Variants in SNTG2 observed in about 807,000 individuals in gnomAD.
The protein encoded by SNTG2 is syntrophin gamma 2.
SNTG2 carries 74 observed loss-of-function variants against 70.9 expected under a neutral mutation model. The observed-to-expected ratio is 1.04, with a 90% CI of 0.86 to 1.27. The LOEUF (loss-of-function observed/expected upper bound fraction) is 1.27. SNTG2 is among the 50% of genes most tolerant of loss of function. The probability of loss-of-function intolerance (pLI) is 0.00; values close to 1 mark genes in which losing one functional copy is unlikely to be tolerated. For synonymous variants in SNTG2, 278 were observed against 273.8 expected, an observed-to-expected ratio of 1.02 and a Z score of -0.15; for missense variants, 717 against 690.7, an observed-to-expected ratio of 1.04 and a Z score of -0.43.
chr2:1,214,572 G>T (rs1015054318), intron 9 of SNTG2, among the ~76,000 whole-genome samples: 2 of 151,988 alleles, frequency 1.3e-5, no homozygotes, highest in Non-Finnish European at 2.9e-5. Flanking sequence ...AAATACTACT[G>T]ATTTCTGAGT....
At chr2:1,347,770 A>G (rs1292503805) in intron 16 of SNTG2, among the ~76,000 whole-genome samples, 1 of 152,152 alleles carries the variant, frequency 6.6e-6, no homozygotes, top group Non-Finnish European at 1.5e-5. Flanking sequence ...GGGAGACATG[A>G]ATTTGGGGCT....
intron 6 of SNTG2, among the ~76,000 whole-genome samples, chr2:1,147,272 T>C (rs1483379380): frequency 1.3e-5 from 2 of 152,206 alleles, no homozygotes; most frequent in Admixed American, 6.5e-5. Context: ...ATGCAAATTA[T>C]TGATCCTCAG....
At chr2:1,312,135 C>T (rs1266156523) in intron 15 of SNTG2, among the ~76,000 whole-genome samples, 8 of 152,076 alleles carry the variant, frequency 5.3e-5, no homozygotes, top group Non-Finnish European at 8.8e-5. Flanking sequence ...TGTGTTTGAC[C>T]ATGAAAATAT....
intron 16 of SNTG2, among the ~76,000 whole-genome samples, chr2:1,364,882 C>T (rs138461157): frequency 1.3e-5 from 2 of 152,182 alleles, no homozygotes; most frequent in East Asian, 3.9e-4. Flanking sequence ...TGCACTCCAG[C>T]CTGGGCGACA....
At chr2:1,300,224 T>C (rs145543601) in intron 14 of SNTG2, among the ~76,000 whole-genome samples, 188 of 147,994 alleles carry the variant, frequency 1.3e-3, no homozygotes, top group African/African-American at 4.3e-3. Context: ...CTCTGAAGGG[T>C]GTGCAAGAAG....
intron 9 of SNTG2, among the ~76,000 whole-genome samples, chr2:1,212,857 CTAAGGAGGG>C (rs1475271732): frequency 6.6e-5 from 10 of 152,080 alleles, no homozygotes; most frequent in African/African-American, 1.4e-4. Context: ...GCTCCTCAGT[CTAAGGAGGG>C]TAAGGAATAA....
rs1467016842 is a variant in SNTG2 at position 1,019,879 on chromosome 2, C to CA, written c.73-63631dup. 4.0e-4 allele frequency among the ~76,000 whole-genome samples: 61 copies of CA among 151,514 alleles called. 1 individual carries two copies. In the South Asian group the frequency reaches 8.4e-3, roughly 21 times the overall value. ...CCAACATGGTGAAACCCCGTCTCTA[C>CA]AAAAAAAAGAAAAATTAGCCGGGTG... On this transcript the variant is annotated intron_variant, in intron 1 of 16. Transcript: ENST00000308624.
At chr2:1,170,810 G>A (rs913405592) in intron 7 of SNTG2, among the ~76,000 whole-genome samples, 1 of 152,078 alleles carries the variant, frequency 6.6e-6, no homozygotes, top group Non-Finnish European at 1.5e-5. Context: ...ACCACCATGA[G>A]CATCCGTGAA....
chr2:1,354,236 G>T (rs577022528), intron 16 of SNTG2, among the ~76,000 whole-genome samples: 1 of 151,020 alleles, frequency 6.6e-6, no homozygotes, highest in Non-Finnish European at 1.5e-5. Context: ...GAAGAACGCC[G>T]GGCTGGAGCT....
intron 1 of SNTG2, among the ~76,000 whole-genome samples, chr2:973,724 G>A (rs1166201735): frequency 1.3e-5 from 2 of 151,500 alleles, no homozygotes; most frequent in East Asian, 1.9e-4. Context: ...TTTCATTTTT[G>A]TTGTGTTTCA....
intron 14 of SNTG2, among the ~76,000 whole-genome samples, chr2:1,307,950 C>A (rs967941601): frequency 6.6e-5 from 10 of 152,306 alleles, no homozygotes; most frequent in African/African-American, 2.4e-4. Context: ...CAGACCTTCT[C>A]GCACCGTGTG....
chr2:1,322,334 A>G (rs1681570079), intron 16 of SNTG2, among the ~76,000 whole-genome samples: 1 of 152,122 alleles, frequency 6.6e-6, no homozygotes, highest in Admixed American at 6.5e-5. Flanking sequence ...TAACTCCCCC[A>G]AAGCCAGAGA....
intron 4 of SNTG2, among the ~76,000 whole-genome samples, chr2:1,130,188 G>C (rs1667931085): frequency 6.6e-6 from 1 of 152,248 alleles, no homozygotes; most frequent in African/African-American, 2.4e-5. Context: ...TGAGTAAATA[G>C]GCTGTCACTC....
At chr2:1,171,558 T>C (rs28374591) in intron 7 of SNTG2, among the ~76,000 whole-genome samples, 50,236 of 151,862 alleles carry the variant, frequency 0.33, 8,724 homozygotes, top group East Asian at 0.65. Context: ...TCAACAACCC[T>C]GTGAAACGCT....
chr2:1,173,802 CCT>C (rs1173857227), intron 8 of SNTG2, among the ~76,000 whole-genome samples: 1 of 152,274 alleles, frequency 6.6e-6, no homozygotes, highest in African/African-American at 2.4e-5. Flanking sequence ...CTCACGCCCT[CCT>C]CTCTCAGAAG....
chr2:1,269,997 G>A (rs989099523), intron 14 of SNTG2, among the ~76,000 whole-genome samples: 6 of 151,986 alleles, frequency 3.9e-5, no homozygotes, highest in Admixed American at 1.3e-4. Flanking sequence ...CTGACTTGCC[G>A]GATCTTCACA....
intron 16 of SNTG2, 65 bp from the exon 17 acceptor site, chr2:1,367,278 A>G: frequency 6.9e-7 from 1 of 1,455,596 alleles, no homozygotes; most frequent in East Asian, 2.6e-5. Context: ...AAACTTTGTT[A>G]AATATTTTTG....
chr2:1,110,198 G>A (rs1049678796), intron 4 of SNTG2, among the ~76,000 whole-genome samples: 6 of 152,124 alleles, frequency 3.9e-5, no homozygotes, highest in Non-Finnish European at 2.9e-5. Flanking sequence ...GGATCCTGTC[G>A]TCGTCTAAAG....
At chr2:1,117,835 G>A (rs1018848044) in intron 4 of SNTG2, among the ~76,000 whole-genome samples, 1 of 152,228 alleles carries the variant, frequency 6.6e-6, no homozygotes, top group Admixed American at 6.5e-5. Context: ...CCACTGCCAT[G>A]TCCTGCCATC....
Sources: allele counts gnomAD v4.1 joint callset (sites outside exome capture counted in the v4.1 genomes callset), GRCh38; gene constraint gnomAD v4.1.1; transcripts MANE v1.5; gene names NCBI Gene and HGNC (gene_info 2026-07-23, HGNC 2026-07-21).